The following PLXDC2 variants were observed in gnomAD, a reference collection of about 807,000 sequenced individuals.
The protein encoded by PLXDC2 is plexin domain-containing protein 2.
In PLXDC2, 40 loss-of-function variants were observed where a neutral mutation model predicts 68.9. The ratio of observed to expected loss-of-function variants is 0.58; its 90% CI spans 0.45 to 0.76. PLXDC2 has a LOEUF of 0.76. Among genes scored for constraint, PLXDC2 ranks in the 30% least tolerant of loss-of-function variants. The pLI is 0.00. For missense variants in PLXDC2, 644 were observed against 661.9 expected (o/e 0.97, Z 0.30); for synonymous variants, 243 against 234.2 (o/e 1.04, Z -0.34).
intron 4 of PLXDC2, among the ~76,000 whole-genome samples, chr10:20,139,997 G>A (rs901745448): frequency 2.0e-5 from 3 of 151,546 alleles, no homozygotes; most frequent in African/African-American, 7.3e-5. Flanking sequence ...AGAACTTGAA[G>A]TATAATAATA....
intron 4 of PLXDC2, among the ~76,000 whole-genome samples, chr10:20,080,492 A>G (rs1331343599): frequency 6.6e-6 from 1 of 152,170 alleles, no homozygotes; most frequent in Non-Finnish European, 1.5e-5. Flanking sequence ...GTGTAAGTCC[A>G]AGAGTCCAAA....
intron 13 of PLXDC2, among the ~76,000 whole-genome samples, chr10:20,251,058 T>C (rs970385024): frequency 3.9e-5 from 6 of 152,220 alleles, no homozygotes; most frequent in Admixed American, 2.6e-4. Flanking sequence ...ATTAACTGTA[T>C]ACATCCCATG....
At position 20,025,992 on chromosome 10, in the gene PLXDC2, GC is replaced by G. The variant is rs1221227486; in HGVS notation, c.325-20876del. The stretch of plus-strand genomic sequence containing the variant: ...CGTAGATAAACTCAGGCAGAGGAAA[GC>G]TATGAGCAAATGAAACTTGTTTACT... On this transcript the variant is annotated intron_variant, in intron 2 of 13. Transcript: ENST00000377252. 3.3e-5 allele frequency among the ~76,000 whole-genome samples: 5 copies of G among 152,214 alleles called. No homozygotes were observed. The East Asian group carries it at 9.6e-4, about 29-fold the overall frequency.
At chr10:19,973,109 T>G in intron 1 of PLXDC2, among the ~76,000 whole-genome samples, 1 of 151,880 alleles carries the variant, frequency 6.6e-6, no homozygotes, top group East Asian at 1.9e-4. Flanking sequence ...CTTTGAATTT[T>G]AATTATATTT....
At chr10:20,272,000 C>T (rs561769762) in intron 13 of PLXDC2, among the ~76,000 whole-genome samples, 12 of 152,194 alleles carry the variant, frequency 7.9e-5, no homozygotes, top group East Asian at 1.9e-4. Context: ...CTAATTTTAT[C>T]GGATGACTGA....
chr10:19,902,613 A>G (rs1052452484), intron 1 of PLXDC2, among the ~76,000 whole-genome samples: 1 of 152,148 alleles, frequency 6.6e-6, no homozygotes, highest in East Asian at 1.9e-4. Context: ...GTATACGATC[A>G]TATCACCAGC....
At chr10:20,102,779 G>A (rs914392430) in intron 4 of PLXDC2, among the ~76,000 whole-genome samples, 4 of 152,118 alleles carry the variant, frequency 2.6e-5, no homozygotes, top group Non-Finnish European at 5.9e-5. Context: ...TAAGATCTTT[G>A]AGTATAATGT....
chr10:20,098,951 T>C (rs1287661748), intron 4 of PLXDC2, among the ~76,000 whole-genome samples: 1 of 152,100 alleles, frequency 6.6e-6, no homozygotes, highest in Non-Finnish European at 1.5e-5. Context: ...TTTTAAATCA[T>C]GAAGCCAAAA....
intron 1 of PLXDC2, among the ~76,000 whole-genome samples, chr10:19,961,532 G>C (rs1042999713): frequency 6.6e-6 from 1 of 152,204 alleles, no homozygotes. Context: ...AGCAGGAATC[G>C]TTGTCTTATG....
chr10:19,861,551 C>A (rs148753402), intron 1 of PLXDC2, among the ~76,000 whole-genome samples: 292 of 152,246 alleles, frequency 1.9e-3, no homozygotes, highest in African/African-American at 6.6e-3. Flanking sequence ...TCAATTTATG[C>A]CTCTCCATTC....
intron 12 of PLXDC2, among the ~76,000 whole-genome samples, chr10:20,223,666 C>T (rs531076654): frequency 6.6e-6 from 1 of 152,234 alleles, no homozygotes; most frequent in South Asian, 2.1e-4. Flanking sequence ...AGCTATTTTA[C>T]TTTTACCTAC....
intron 2 of PLXDC2, among the ~76,000 whole-genome samples, chr10:20,044,573 G>T (rs1835764843): frequency 6.6e-6 from 1 of 151,968 alleles, no homozygotes; most frequent in Non-Finnish European, 1.5e-5. Flanking sequence ...GCCTCCCAAA[G>T]TGTTGTGATT....
At chr10:20,269,262 T>C (rs1471573337) in intron 13 of PLXDC2, among the ~76,000 whole-genome samples, 1 of 152,156 alleles carries the variant, frequency 6.6e-6, no homozygotes, top group Non-Finnish European at 1.5e-5. Context: ...CTATGTGTAA[T>C]TATATTTTCC....
At chr10:20,216,359 TG>T (rs1035792748) in intron 10 of PLXDC2, among the ~76,000 whole-genome samples, 2 of 152,064 alleles carry the variant, frequency 1.3e-5, no homozygotes, top group African/African-American at 2.4e-5. Context: ...ACAACTAAAG[TG>T]GTATCTGAAA....
At chr10:19,915,407 T>C (rs1833347677) in intron 1 of PLXDC2, among the ~76,000 whole-genome samples, 2 of 152,222 alleles carry the variant, frequency 1.3e-5, no homozygotes. Flanking sequence ...TCATTTAAGA[T>C]GTTTTAGCCA....
intron 2 of PLXDC2, among the ~76,000 whole-genome samples, chr10:20,045,830 A>G (rs1253541454): frequency 6.6e-6 from 1 of 152,258 alleles, no homozygotes; most frequent in Non-Finnish European, 1.5e-5. Flanking sequence ...TTTTTTGTCT[A>G]CTAACTCCTC....
chr10:20,132,944 T>A (rs1833887213), intron 4 of PLXDC2, among the ~76,000 whole-genome samples: 1 of 152,112 alleles, frequency 6.6e-6, no homozygotes, highest in African/African-American at 2.4e-5. Context: ...GATTTGATAA[T>A]TTTTTGTCGT....
At chr10:20,134,867 G>A (rs571151301) in intron 4 of PLXDC2, among the ~76,000 whole-genome samples, 2 of 152,152 alleles carry the variant, frequency 1.3e-5, no homozygotes, top group Admixed American at 6.5e-5. Flanking sequence ...GCCTGAAGGG[G>A]TTCACTGGGA....
intron 1 of PLXDC2, among the ~76,000 whole-genome samples, chr10:19,895,406 A>G (rs1381472239): frequency 1.3e-5 from 2 of 152,334 alleles, no homozygotes; most frequent in Non-Finnish European, 2.9e-5. Flanking sequence ...TAAATTTCCC[A>G]GTAGCCGTAT....
Sources: allele counts gnomAD v4.1 joint callset (sites outside exome capture counted in the v4.1 genomes callset), GRCh38; gene constraint gnomAD v4.1.1; transcripts MANE v1.5; gene names NCBI Gene and HGNC (gene_info 2026-07-23, HGNC 2026-07-21).